Variants in ZNF644 observed in about 807,000 individuals in gnomAD.
ZNF644 encodes the protein zinc finger protein 644.
In ZNF644, 20 loss-of-function variants were observed where a neutral mutation model predicts 108.0. The ratio of observed to expected loss-of-function variants is 0.19; its 90% CI spans 0.13 to 0.27. ZNF644 has a LOEUF of 0.27. Ranked by LOEUF, ZNF644 falls within the 10% of genes least tolerant of loss-of-function variation. ZNF644 has a pLI of 1.00. For synonymous variants in ZNF644, 542 were observed against 539.1 expected (o/e 1.01, Z -0.08); for missense variants, 1,338 against 1,548.9 (o/e 0.86, Z 2.29).
Position 90,941,278 on chromosome 1 carries a change from T to G in ZNF644, c.76A>C (p.Met26Leu), listed in dbSNP as rs1257545217. The change falls in exon 3 of 6, where the codon ATG becomes CTG. Residue 26 changes from methionine to leucine, a missense_variant. Physicochemically the swap from Met to Leu is conservative, Grantham distance 15. Coordinates refer to ENST00000337393, the MANE Select transcript of ZNF644 (RefSeq NM_201269.3). ...LNVLNGLANN[M>L]DDLKINTDIT... ...TCGGTGTTTATCTTCAAATCATCCA[T>G]ATTGTTGGCAAGCCCATTTAACACA... 6.3e-7 allele frequency: 1 copy of G among 1,598,576 alleles called. No individual in the cohort carries two copies. The highest frequency in any genetic ancestry group is 8.5e-7 in the Non-Finnish European group (1 of 1,176,242).
intron 4 of ZNF644, among the ~76,000 whole-genome samples, chr1:90,919,743 T>G (rs988170130): frequency 6.6e-6 from 1 of 152,092 alleles, no homozygotes; most frequent in Non-Finnish European, 1.5e-5. Flanking sequence ...GAGCCTCGCA[T>G]GTAGTAGGAA....
chr1:90,990,606 G>C (rs772656188), intron 1 of ZNF644, among the ~76,000 whole-genome samples: 1 of 152,154 alleles, frequency 6.6e-6, no homozygotes, highest in Admixed American at 6.5e-5. Flanking sequence ...AAAGCCTAAA[G>C]AAGTCATGAG....
intron 2 of ZNF644, among the ~76,000 whole-genome samples, chr1:90,942,490 T>C (rs1652096862): frequency 6.6e-6 from 1 of 152,156 alleles, no homozygotes; most frequent in Admixed American, 6.6e-5. Context: ...GAATGTAATC[T>C]AGTCACTATC....
At chr1:90,955,255 C>T (rs1484591424) in intron 2 of ZNF644, among the ~76,000 whole-genome samples, 5 of 152,166 alleles carry the variant, frequency 3.3e-5, no homozygotes, top group African/African-American at 4.8e-5. Flanking sequence ...GTAGAGATTT[C>T]GTATAATTCT....
chr1:90,981,061 T>C (rs768096831), intron 2 of ZNF644, among the ~76,000 whole-genome samples: 8 of 151,974 alleles, frequency 5.3e-5, no homozygotes, highest in Non-Finnish European at 7.4e-5. Context: ...ATATCAAACA[T>C]AGAAAATCAG....
chr1:90,971,155 A>T (rs1468189411), intron 2 of ZNF644, among the ~76,000 whole-genome samples: 1 of 152,092 alleles, frequency 6.6e-6, no homozygotes, highest in Non-Finnish European at 1.5e-5. Flanking sequence ...AAACAAAATT[A>T]AACAGCACAT....
At chr1:91,002,961 C>A (rs1445751415) in intron 1 of ZNF644, among the ~76,000 whole-genome samples, 4 of 151,648 alleles carry the variant, frequency 2.6e-5, no homozygotes, top group African/African-American at 7.3e-5. Context: ...CAGAGAAATG[C>A]AAATCAAAAC....
At chr1:90,959,195 A>G (rs918359082) in intron 2 of ZNF644, among the ~76,000 whole-genome samples, 4 of 152,228 alleles carry the variant, frequency 2.6e-5, no homozygotes, top group African/African-American at 9.6e-5. Context: ...GCAAATCAAT[A>G]CTACAATAAT....
chr1:90,994,127 T>C (rs1657900237), intron 1 of ZNF644, among the ~76,000 whole-genome samples: 1 of 152,150 alleles, frequency 6.6e-6, no homozygotes, highest in Non-Finnish European at 1.5e-5. Context: ...ATTGGGAAAG[T>C]GTCACTTGAA....
At chr1:91,010,494 C>T (rs1286646043) in intron 1 of ZNF644, among the ~76,000 whole-genome samples, 1 of 151,556 alleles carries the variant, frequency 6.6e-6, no homozygotes, top group Non-Finnish European at 1.5e-5. Flanking sequence ...TCAGGTGCTC[C>T]ACCTGCCTCA....
At chr1:90,950,885 A>G (rs1215874683) in intron 2 of ZNF644, among the ~76,000 whole-genome samples, 1 of 152,166 alleles carries the variant, frequency 6.6e-6, no homozygotes, top group Non-Finnish European at 1.5e-5. Flanking sequence ...TCTGGATGTT[A>G]TATTTGCAAT....
At chr1:91,021,106 G>T (rs1176858541) in intron 1 of ZNF644, 1 of 152,146 alleles carries the variant, frequency 6.6e-6, no homozygotes, top group African/African-American at 2.4e-5. Flanking sequence ...GAAGAGTCTG[G>T]GACAACTCAT....
intron 1 of ZNF644, among the ~76,000 whole-genome samples, chr1:90,994,211 G>A (rs1228116093): frequency 6.6e-6 from 1 of 152,184 alleles, no homozygotes; most frequent in East Asian, 1.9e-4. Flanking sequence ...ACTTCATGGA[G>A]AGAACATGTT....
At chr1:91,015,950 C>A (rs1157403045) in intron 1 of ZNF644, among the ~76,000 whole-genome samples, 1 of 152,160 alleles carries the variant, frequency 6.6e-6, no homozygotes, top group African/African-American at 2.4e-5. Context: ...GTAATATCAA[C>A]CCTAAACCTC....
chr1:90,918,214 C>T (rs912751364), intron 4 of ZNF644, 60 bp from the exon 5 acceptor site: 1 of 1,390,346 alleles, frequency 7.2e-7, no homozygotes, highest in East Asian at 2.4e-5. Flanking sequence ...TACATACACA[C>T]ATATTTTTCT....
In ZNF644 at chr1:90,940,850, T is replaced by C. The variant is rs1005751148; in HGVS notation, c.504A>G (p.Lys168=). The change falls in exon 3 of 6, where the codon AAA becomes AAG. Residue 168 remains lysine, a synonymous_variant. Transcript: ENST00000337393. ...AADLQLSTPQ[K]ASQHQVLFLL... ...AAAATAAAACTTGGTGTTGACTTGC[T>C]TTCTGTGGTGTAGACAGCTGAAGAT... 3 of 1,614,082 alleles carry C rather than the reference T, an allele frequency of 1.9e-6. No individual in the cohort carries two copies. The highest frequency in any genetic ancestry group is 1.7e-6 in the Non-Finnish European group (2 of 1,179,978).
At position 90,955,880 on chromosome 1, in the gene ZNF644, A is replaced by G. The variant is rs183615539; in HGVS notation, c.45-14571T>C. 4.7e-3 allele frequency among the ~76,000 whole-genome samples: 709 copies of G among 152,342 alleles called. 2 individuals are homozygous for G. Among genetic ancestry groups the G allele is most frequent in the Non-Finnish European group, 7.4e-3 (503 of 68,022 alleles). On this transcript the variant is annotated intron_variant, in intron 2 of 5. Transcript: ENST00000337393. ...ACAAACTTGGCTAAATGTTTGCGGCAAGAGGCCTACCTTTTGGCCTGTCTC... is the reference window on the plus strand; with the variant it reads ...ACAAACTTGGCTAAATGTTTGCGGCGAGAGGCCTACCTTTTGGCCTGTCTC...
At chr1:90,996,228 TAAAACTCCC>T (rs1478071829) in intron 1 of ZNF644, among the ~76,000 whole-genome samples, 2 of 152,124 alleles carry the variant, frequency 1.3e-5, no homozygotes, top group Non-Finnish European at 2.9e-5. Flanking sequence ...TAAAATAATT[TAAAACTCCC>T]AAAACTCAAC....
intron 1 of ZNF644, among the ~76,000 whole-genome samples, chr1:91,010,313 A>G (rs1257681817): frequency 1.4e-5 from 2 of 144,760 alleles, no homozygotes; most frequent in Admixed American, 7.2e-5. Flanking sequence ...ATCTCAGCTC[A>G]CCACAACTTC....
Sources: gnomAD v4.1 joint callset for allele counts (sites outside exome capture counted in the v4.1 genomes callset) on GRCh38, gnomAD v4.1.1 for gene constraint, MANE v1.5 for transcripts, NCBI Gene and HGNC (gene_info 2026-07-23, HGNC 2026-07-21) for gene names.